Variants in C10orf90 observed in about 807,000 individuals in gnomAD.
C10orf90 encodes chromosome 10 open reading frame 90.
A neutral mutation model predicts 62.5 loss-of-function variants in C10orf90; 56 were observed. The observed-to-expected ratio is 0.90, with a 90% CI of 0.72 to 1.12. C10orf90 has a LOEUF of 1.12. Among genes scored for constraint, C10orf90 ranks in the 50% most tolerant of loss-of-function variants. C10orf90 has a pLI of 0.00. For missense variants in C10orf90, 970 were observed against 880.4 expected (o/e 1.10, Z -1.29); for synonymous variants, 386 against 340.4 (o/e 1.13, Z -1.47).
At chr10:126,570,590 C>T (rs1182089654) in intron 2 of C10orf90, among the ~76,000 whole-genome samples, 5 of 152,172 alleles carry the variant, frequency 3.3e-5, no homozygotes, top group African/African-American at 1.2e-4. Context: ...TGATATTTAT[C>T]TCATGGGAAT....
intron 3 of C10orf90, among the ~76,000 whole-genome samples, chr10:126,509,773 G>C (rs1044974804): frequency 6.6e-6 from 1 of 152,150 alleles, no homozygotes; most frequent in Non-Finnish European, 1.5e-5. Flanking sequence ...TCTTGTATGG[G>C]AAGTTCTGTG....
At chr10:126,581,213 T>G (rs1240700478) in intron 2 of C10orf90, among the ~76,000 whole-genome samples, 2 of 152,210 alleles carry the variant, frequency 1.3e-5, no homozygotes, top group East Asian at 3.9e-4. Context: ...CCAACAGAGA[T>G]ATTCATGCAG....
chr10:126,512,154 C>A (rs916173799), intron 3 of C10orf90: 4 of 151,888 alleles, frequency 2.6e-5, no homozygotes, highest in African/African-American at 7.2e-5. Flanking sequence ...CACCTACTGA[C>A]CAAATTGGAT....
intron 7 of C10orf90, among the ~76,000 whole-genome samples, chr10:126,436,201 A>G (rs1857913075): frequency 6.6e-6 from 1 of 152,158 alleles, no homozygotes; most frequent in African/African-American, 2.4e-5. Flanking sequence ...AACTTACAAT[A>G]TGAATCCCAG....
chr10:126,662,694 A>G (rs745583371), intron 1 of C10orf90, among the ~76,000 whole-genome samples: 1 of 152,176 alleles, frequency 6.6e-6, no homozygotes, highest in African/African-American at 2.4e-5. Context: ...TCTTCCATAA[A>G]GAATGTGCCC....
chr10:126,444,818 A>C (rs1281420843), intron 7 of C10orf90, among the ~76,000 whole-genome samples: 1 of 152,200 alleles, frequency 6.6e-6, no homozygotes, highest in Admixed American at 6.5e-5. Flanking sequence ...TGGTATAAAA[A>C]TAGGCACATA....
intron 3 of C10orf90, among the ~76,000 whole-genome samples, chr10:126,505,325 G>T (rs1446611932): frequency 1.3e-5 from 2 of 152,188 alleles, no homozygotes; most frequent in Non-Finnish European, 2.9e-5. Context: ...GGTTTTCTCT[G>T]CTGGGCATCT....
intron 4 of C10orf90, among the ~76,000 whole-genome samples, chr10:126,485,112 C>T (rs909463513): frequency 6.6e-6 from 1 of 152,152 alleles, no homozygotes; most frequent in African/African-American, 2.4e-5. Flanking sequence ...GTAATTAGGT[C>T]ATATGGGTGG....
intron 2 of C10orf90, among the ~76,000 whole-genome samples, chr10:126,613,984 A>T (rs1180389722): frequency 6.6e-6 from 1 of 152,176 alleles, no homozygotes; most frequent in Non-Finnish European, 1.5e-5. Flanking sequence ...CATGAATCTG[A>T]TGCCACTCCC....
intron 2 of C10orf90, among the ~76,000 whole-genome samples, chr10:126,559,455 T>C (rs530240982): frequency 1.1e-4 from 17 of 152,324 alleles, no homozygotes; most frequent in African/African-American, 3.8e-4. Flanking sequence ...AGTTCTGTGT[T>C]TGCAGCAGTG....
intron 7 of C10orf90, among the ~76,000 whole-genome samples, chr10:126,451,674 C>T (rs975771710): frequency 1.3e-5 from 2 of 150,378 alleles, no homozygotes; most frequent in Non-Finnish European, 3.0e-5. Context: ...TATATATACA[C>T]ACAATTTCTC....
intron 2 of C10orf90, among the ~76,000 whole-genome samples, chr10:126,563,067 G>A (rs557730472): frequency 2.4e-4 from 36 of 152,276 alleles, no homozygotes; most frequent in East Asian, 5.8e-4. Context: ...AACCAGCCCC[G>A]GAGTATTTAC....
intron 1 of C10orf90, among the ~76,000 whole-genome samples, chr10:126,657,559 G>C (rs1262395540): frequency 6.7e-6 from 1 of 150,138 alleles, no homozygotes; most frequent in Non-Finnish European, 1.5e-5. Context: ...TTTTTCCTTT[G>C]TGGGGCTGTG....
chr10:126,623,569 T>C (rs1845687029), intron 2 of C10orf90, among the ~76,000 whole-genome samples: 1 of 152,092 alleles, frequency 6.6e-6, no homozygotes, highest in African/African-American at 2.4e-5. Flanking sequence ...AGGCTGGGCA[T>C]AGTGACTCAT....
In C10orf90 at chr10:126,434,783, C is replaced by T. The variant is rs111948135; in HGVS notation, c.2189-4933G>A. 1.3e-3 allele frequency among the ~76,000 whole-genome samples: 204 copies of T among 152,304 alleles called. 1 individual carries two copies. Among genetic ancestry groups the T allele is most frequent in the African/African-American group, 4.6e-3 (191 of 41,566 alleles). ...TCCAAAGTCACTAGGTCTCTGCCGC[C>T]GGCCGTTAGAGTAATTCCATCACGG... On this transcript the variant is annotated intron_variant, in intron 7 of 9. Coordinates refer to ENST00000488181, the MANE Select transcript of C10orf90 (RefSeq NM_001350921.2).
At chr10:126,440,216 C>T (rs754082365) in intron 7 of C10orf90, among the ~76,000 whole-genome samples, 1 of 152,146 alleles carries the variant, frequency 6.6e-6, no homozygotes, top group Non-Finnish European at 1.5e-5. Flanking sequence ...TTACGGAGTG[C>T]AACCAGCCCT....
At chr10:126,621,603 T>A (rs1845644920) in intron 2 of C10orf90, among the ~76,000 whole-genome samples, 1 of 152,216 alleles carries the variant, frequency 6.6e-6, no homozygotes, top group Non-Finnish European at 1.5e-5. Context: ...AATTAATAAA[T>A]GTTGATTGTT....
At chr10:126,667,939 C>G (rs768995667) in intron 1 of C10orf90, among the ~76,000 whole-genome samples, 8 of 152,176 alleles carry the variant, frequency 5.3e-5, no homozygotes, top group Non-Finnish European at 8.8e-5. Context: ...TCACCACCAC[C>G]TGCTCCCAAT....
chr10:126,578,198 GTAAT>G (rs1844664936), intron 2 of C10orf90, among the ~76,000 whole-genome samples: 1 of 152,054 alleles, frequency 6.6e-6, no homozygotes, highest in South Asian at 2.1e-4. Context: ...GAGTGAAAAT[GTAAT>G]TAATACAAAG....
Sources: gnomAD v4.1 joint callset for allele counts (sites outside exome capture counted in the v4.1 genomes callset) on GRCh38, gnomAD v4.1.1 for gene constraint, MANE v1.5 for transcripts, NCBI Gene and HGNC (gene_info 2026-07-23, HGNC 2026-07-21) for gene names.